The following PHF14 variants were observed in gnomAD, a reference collection of about 807,000 sequenced individuals.
PHF14 encodes PHD finger protein 14.
PHF14 carries 55 observed loss-of-function variants against 117.9 expected under a neutral mutation model. The observed-to-expected ratio is 0.47, with a 90% CI of 0.38 to 0.58. The LOEUF (loss-of-function observed/expected upper bound fraction) is 0.58, where lower values mean the gene tolerates loss of function less well. Ranked by LOEUF, PHF14 falls within the 20% of genes least tolerant of loss-of-function variation. The pLI is 0.00. For synonymous variants in PHF14, 409 were observed against 368.6 expected (o/e 1.11, Z -1.26); for missense variants, 978 against 1,122.2 (o/e 0.87, Z 1.84).
intron 16 of PHF14, among the ~76,000 whole-genome samples, chr7:11,089,518 C>G (rs1786557761): frequency 6.6e-6 from 1 of 151,904 alleles, no homozygotes; most frequent in South Asian, 2.1e-4. Context: ...AAGTGAGACT[C>G]CATTCTCCAC....
chr7:11,112,368 C>T (rs1417735027), intron 17 of PHF14, among the ~76,000 whole-genome samples: 1 of 152,128 alleles, frequency 6.6e-6, no homozygotes, highest in African/African-American at 2.4e-5. Flanking sequence ...AAATGATTTG[C>T]TTCAGCTTAC....
chr7:11,106,390 T>C (rs1211928726), intron 16 of PHF14: 3 of 970,036 alleles, frequency 3.1e-6, no homozygotes, highest in Non-Finnish European at 3.7e-6. Flanking sequence ...CTTATATTTG[T>C]GAAATGATTA....
chr7:11,046,566 C>T (rs1784671131), intron 13 of PHF14, among the ~76,000 whole-genome samples: 2 of 152,144 alleles, frequency 1.3e-5, no homozygotes, highest in African/African-American at 4.8e-5. Context: ...TTCCCATTAA[C>T]CGCTAGTAGG....
chr7:10,976,563 G>T (rs1476339587), intron 2 of PHF14, among the ~76,000 whole-genome samples: 1 of 151,986 alleles, frequency 6.6e-6, no homozygotes, highest in Admixed American at 6.5e-5. Context: ...TGGACAATTT[G>T]TTTCCAAGGT....
chr7:11,156,584 G>A (rs919345004), intron 17 of PHF14, among the ~76,000 whole-genome samples: 2 of 152,002 alleles, frequency 1.3e-5, no homozygotes, highest in East Asian at 1.9e-4. Context: ...ACCTAAGGTC[G>A]GGAGTTCGAG....
At chr7:10,995,078 C>T (rs957042574) in intron 4 of PHF14, among the ~76,000 whole-genome samples, 5 of 152,258 alleles carry the variant, frequency 3.3e-5, no homozygotes, top group South Asian at 2.1e-4. Context: ...TCTCCAAGTC[C>T]GCACAGAGCA....
intron 14 of PHF14, among the ~76,000 whole-genome samples, chr7:11,052,044 T>G (rs1424507794): frequency 6.6e-6 from 1 of 152,182 alleles, no homozygotes; most frequent in Non-Finnish European, 1.5e-5. Flanking sequence ...TTCCCAAAGC[T>G]TTAGAAGTTT....
intron 4 of PHF14, among the ~76,000 whole-genome samples, chr7:10,991,375 A>G (rs557806157): frequency 6.6e-6 from 1 of 152,084 alleles, no homozygotes; most frequent in East Asian, 1.9e-4. Flanking sequence ...ATGGAGTTTC[A>G]CCATATTGGT....
At position 10,983,861 on chromosome 7, in the gene PHF14, A is replaced by G. The variant is rs114479165; in HGVS notation, c.900+702A>G. Among the ~76,000 whole-genome samples the G allele has an allele frequency of 2.3e-3, 350 of 152,296 alleles. 4 individuals are homozygous for G. Among genetic ancestry groups the G allele is most frequent in the African/African-American group, 8.0e-3 (331 of 41,592 alleles). ...GCTCAGTGCTTCTACTTGAAGTTCT[A>G]CTACTGAAAGTTAGGTTTATTCATT... On this transcript the variant is annotated intron_variant, in intron 3 of 17. Coordinates refer to ENST00000634607, the MANE Select transcript of PHF14 (RefSeq NM_001007157.2).
At chr7:11,006,739 T>G (rs1583356360) in intron 4 of PHF14, 1 of 682,238 alleles carries the variant, frequency 1.5e-6, no homozygotes, top group South Asian at 1.4e-5. Flanking sequence ...TGCTGGAAGG[T>G]GGGTGACATG....
At chr7:11,088,252 T>G (rs778829075) in intron 16 of PHF14, among the ~76,000 whole-genome samples, 4 of 152,184 alleles carry the variant, frequency 2.6e-5, no homozygotes, top group Non-Finnish European at 5.9e-5. Context: ...CCATATTTTT[T>G]TTATTGTTGT....
intron 3 of PHF14, among the ~76,000 whole-genome samples, chr7:10,985,522 T>C (rs1158903807): frequency 6.6e-6 from 1 of 152,088 alleles, no homozygotes; most frequent in African/African-American, 2.4e-5. Context: ...GAACTTGATA[T>C]TTATTTTAGC....
chr7:10,990,383 A>G (rs374955648), intron 3 of PHF14, among the ~76,000 whole-genome samples: 8 of 152,284 alleles, frequency 5.3e-5, no homozygotes, highest in East Asian at 1.9e-4. Context: ...TTCCTAGTTT[A>G]AGGGGCAAAG....
At chr7:11,049,354 A>G (rs367675084) in intron 13 of PHF14, among the ~76,000 whole-genome samples, 1 of 151,918 alleles carries the variant, frequency 6.6e-6, no homozygotes, top group Non-Finnish European at 1.5e-5. Context: ...ACACACCTGT[A>G]GTCCCAGCTA....
chr7:11,136,526 G>A, intron 17 of PHF14, among the ~76,000 whole-genome samples: 1 of 151,928 alleles, frequency 6.6e-6, no homozygotes, highest in East Asian at 1.9e-4. Context: ...CCTTTTTTAT[G>A]TTTAAGTCTT....
rs1293574364 is a variant in PHF14, at chr7:11,118,863, A to C, written c.2772+7396A>C. Among the ~76,000 whole-genome samples, 3 of 151,878 alleles carry C rather than the reference A, an allele frequency of 2.0e-5. No individual in the cohort carries two copies. In the South Asian group the frequency reaches 6.2e-4, roughly 31 times the overall value. ...ATTCCTTAAGCATCATTTTGAAAAT[A>C]TGATTTATTAAGATAAGTTTGTCAG... On this transcript the variant is annotated intron_variant, in intron 17 of 17. Coordinates refer to ENST00000634607, the MANE Select transcript of PHF14 (RefSeq NM_001007157.2).
chr7:11,149,863 T>C (rs1217294377), intron 17 of PHF14, among the ~76,000 whole-genome samples: 1 of 152,102 alleles, frequency 6.6e-6, no homozygotes, highest in East Asian at 1.9e-4. Context: ...TCACCTCTTT[T>C]ACAATTTTTA....
At chr7:11,033,057 C>G (rs754951271) in intron 7 of PHF14, among the ~76,000 whole-genome samples, 1 of 152,176 alleles carries the variant, frequency 6.6e-6, no homozygotes, top group East Asian at 1.9e-4. Flanking sequence ...TATACAAAAG[C>G]GCATGTGCTT....
chr7:11,025,024 G>A (rs1031675599), intron 6 of PHF14, among the ~76,000 whole-genome samples: 5 of 152,170 alleles, frequency 3.3e-5, no homozygotes, highest in African/African-American at 1.2e-4. Context: ...ATGATTCATG[G>A]GAGGAGGTCA....
Sources: gnomAD v4.1 joint callset for allele counts (sites outside exome capture counted in the v4.1 genomes callset) on GRCh38, gnomAD v4.1.1 for gene constraint, MANE v1.5 for transcripts, NCBI Gene and HGNC (gene_info 2026-07-23, HGNC 2026-07-21) for gene names.